Variants in TMOD1 observed in about 807,000 individuals in gnomAD.
TMOD1 encodes tropomodulin-1.
A neutral mutation model predicts 40.6 loss-of-function variants in TMOD1; 17 were observed. The ratio of observed to expected loss-of-function variants is 0.42; its 90% CI spans 0.29 to 0.63. The LOEUF is 0.63. Among genes scored for constraint, TMOD1 ranks in the 20% least tolerant of loss-of-function variants. The probability of loss-of-function intolerance (pLI) is 0.22; values close to 1 mark genes in which losing one functional copy is unlikely to be tolerated. For missense variants in TMOD1, 391 were observed against 447.6 expected (o/e 0.87, Z 1.14); for synonymous variants, 181 against 175.0 (o/e 1.03, Z -0.27).
chr9:97,573,606 G>A (rs1399698151), intron 8 of TMOD1, among the ~76,000 whole-genome samples: 1 of 152,182 alleles, frequency 6.6e-6, no homozygotes, highest in Non-Finnish European at 1.5e-5. Context: ...AGGAATCCAG[G>A]AGCAGTGTGG....
At chr9:97,588,486 A>G (rs1825927818) in intron 8 of TMOD1, among the ~76,000 whole-genome samples, 1 of 152,210 alleles carries the variant, frequency 6.6e-6, no homozygotes, top group Non-Finnish European at 1.5e-5. Flanking sequence ...TAAATCCTAT[A>G]TCTACCAAAT....
chr9:97,564,432 A>G (rs1830695103), intron 6 of TMOD1, among the ~76,000 whole-genome samples: 1 of 152,188 alleles, frequency 6.6e-6, no homozygotes, highest in Non-Finnish European at 1.5e-5. Flanking sequence ...GGGCCAACCC[A>G]GCTTTGATCT....
At chr9:97,552,855 G>A (rs1452172110) in intron 3 of TMOD1, among the ~76,000 whole-genome samples, 1 of 152,102 alleles carries the variant, frequency 6.6e-6, no homozygotes, top group Non-Finnish European at 1.5e-5. Context: ...ATGAGGCAAG[G>A]ATGCATTATT....
chr9:97,538,433 G>A (rs766752699), intron 2 of TMOD1, among the ~76,000 whole-genome samples: 1 of 151,322 alleles, frequency 6.6e-6, no homozygotes, highest in Non-Finnish European at 1.5e-5. Context: ...GGCTGCTTTG[G>A]TGGAGTCAGA....
At chr9:97,515,053 C>A (rs565907280) in intron 1 of TMOD1, among the ~76,000 whole-genome samples, 1 of 152,234 alleles carries the variant, frequency 6.6e-6, no homozygotes, top group African/African-American at 2.4e-5. Flanking sequence ...AACACCATGA[C>A]AGTCTGGGCA....
In TMOD1 at chr9:97,505,940, C is replaced by G. The variant is rs549636440; in HGVS notation, c.-49+4137C>G. Among the ~76,000 whole-genome samples, 4 of 152,310 alleles carry G rather than the reference C, an allele frequency of 2.6e-5. No homozygotes were observed. In the East Asian group the frequency reaches 7.7e-4, roughly 29 times the overall value. Reference sequence around the variant, plus strand: ...AGATCTTCACCTGCGTCAATTGTCTCCCTTCAGGGACTCCCCATTTCCTAA... The same window carrying G: ...AGATCTTCACCTGCGTCAATTGTCTGCCTTCAGGGACTCCCCATTTCCTAA... On this transcript the variant is annotated intron_variant, in intron 1 of 9. Coordinates refer to ENST00000259365, the MANE Select transcript of TMOD1 (RefSeq NM_003275.4).
intron 2 of TMOD1, among the ~76,000 whole-genome samples, chr9:97,543,551 G>A (rs1830307764): frequency 6.6e-6 from 1 of 152,196 alleles, no homozygotes; most frequent in African/African-American, 2.4e-5. Flanking sequence ...ACATTTTACA[G>A]CCATGGAAAC....
intron 1 of TMOD1, among the ~76,000 whole-genome samples, chr9:97,511,038 G>A (rs2131208576): frequency 6.6e-6 from 1 of 151,710 alleles, no homozygotes; most frequent in South Asian, 2.1e-4. Context: ...ATGACCCCAA[G>A]AGATGCAAAA....
chr9:97,584,997 C>T (rs943142470), intron 8 of TMOD1, among the ~76,000 whole-genome samples: 1 of 152,128 alleles, frequency 6.6e-6, no homozygotes, highest in African/African-American at 2.4e-5. Context: ...GCATTTAGTC[C>T]ATTTACATTT....
intron 1 of TMOD1, among the ~76,000 whole-genome samples, chr9:97,521,320 C>T (rs1829912107): frequency 1.3e-5 from 2 of 152,152 alleles, no homozygotes; most frequent in African/African-American, 2.4e-5. Context: ...GTCCTGCAGT[C>T]CAGAGTCCTA....
At chr9:97,586,919 A>G (rs971987515) in intron 8 of TMOD1, among the ~76,000 whole-genome samples, 3 of 152,184 alleles carry the variant, frequency 2.0e-5, no homozygotes, top group Non-Finnish European at 4.4e-5. Flanking sequence ...ACTCCCTAGT[A>G]AGATGAACCT....
At chr9:97,522,267 C>A (rs1829930173) in intron 1 of TMOD1, among the ~76,000 whole-genome samples, 1 of 152,180 alleles carries the variant, frequency 6.6e-6, no homozygotes, top group Non-Finnish European at 1.5e-5. Flanking sequence ...TGCTCTCAAT[C>A]TTTGGCATTC....
In TMOD1 at chr9:97,600,357, C is replaced by T; in HGVS notation, c.*659C>T. The T allele has an allele frequency of 1.0e-6, 1 of 986,004 alleles. No individual in the cohort carries two copies. Among genetic ancestry groups the T allele is most frequent in the African/African-American group, 1.7e-5 (1 of 57,316 alleles). 61.1% of individuals were successfully genotyped at this position (986,004 alleles called of 1,614,324 possible). A position where few individuals can be genotyped will look rare whatever the true frequency, so the allele number is the denominator to read the frequency against. ...TGGTGAAATTTCAAGTTTCAAAAAC[C>T]AACCTTTCATTACCAATCCCAGGCA... On this transcript the variant is annotated 3_prime_UTR_variant, in exon 10 of 10. Coordinates refer to ENST00000259365, the MANE Select transcript of TMOD1 (RefSeq NM_003275.4).
intron 8 of TMOD1, among the ~76,000 whole-genome samples, chr9:97,587,827 T>C (rs1825913761): frequency 6.6e-6 from 1 of 152,222 alleles, no homozygotes; most frequent in South Asian, 2.1e-4. Flanking sequence ...TCTAGACATT[T>C]CATATCAATG....
intron 7 of TMOD1, among the ~76,000 whole-genome samples, chr9:97,566,441 C>T (rs144486939): frequency 1.4e-4 from 21 of 152,190 alleles, no homozygotes; most frequent in African/African-American, 4.8e-4. Flanking sequence ...GAGGTCAAGA[C>T]GGGTGGATCA....
intron 1 of TMOD1, among the ~76,000 whole-genome samples, chr9:97,509,464 G>A (rs72749701): frequency 0.17 from 24,719 of 148,566 alleles, 2,110 homozygotes; most frequent in East Asian, 0.2. Context: ...TTTTTATGCC[G>A]TTTTGGGGGT....
rs376931959 is a variant in TMOD1, at chr9:97,581,685, G to T, written c.871-9606G>T. On this transcript the variant is annotated intron_variant, in intron 8 of 9. Coordinates refer to ENST00000259365, the MANE Select transcript of TMOD1 (RefSeq NM_003275.4). ...TTTCCTGACTTTTTAATGATCGCCA[G>T]TCTAACTGGTGTGAGATGGTATCTC... Among the ~76,000 whole-genome samples the T allele has an allele frequency of 3.0e-3, 449 of 149,214 alleles. 4 individuals carry two copies. The highest frequency in any genetic ancestry group is 0.028 in the East Asian group (121 of 4,334).
chr9:97,579,869 T>C (rs1350811430), intron 8 of TMOD1, among the ~76,000 whole-genome samples: 1 of 152,058 alleles, frequency 6.6e-6, no homozygotes, highest in African/African-American at 2.4e-5. Flanking sequence ...GAAAAGCCTC[T>C]TGGGGAGGGG....
intron 9 of TMOD1, among the ~76,000 whole-genome samples, chr9:97,593,957 C>T (rs1826052511): frequency 6.6e-6 from 1 of 152,012 alleles, no homozygotes; most frequent in Non-Finnish European, 1.5e-5. Flanking sequence ...GCAGAGGGAA[C>T]AGCATGAGCA....
Sources: allele counts gnomAD v4.1 joint callset (sites outside exome capture counted in the v4.1 genomes callset), GRCh38; gene constraint gnomAD v4.1.1; transcripts MANE v1.5; gene names NCBI Gene and HGNC (gene_info 2026-07-23, HGNC 2026-07-21).